PDLIM1: variants seen among roughly 807,000 people sequenced by gnomAD.
PDLIM1 encodes the protein PDZ and LIM domain 1.
In PDLIM1, 25 loss-of-function variants were observed where a neutral mutation model predicts 35.2. The ratio of observed to expected loss-of-function variants is 0.71; its 90% CI spans 0.52 to 0.99. PDLIM1 has a LOEUF of 0.99. Ranked by LOEUF, PDLIM1 falls within the 50% of genes least tolerant of loss-of-function variation. The probability of loss-of-function intolerance (pLI) is 0.00; values close to 1 mark genes in which losing one functional copy is unlikely to be tolerated. For synonymous variants in PDLIM1, 152 were observed against 154.0 expected (o/e 0.99, Z 0.10); for missense variants, 363 against 415.3 (o/e 0.87, Z 1.09).
Position 95,268,779 on chromosome 10 carries a change from T to TG in PDLIM1, c.331dup (p.Gln111ProfsTer44). 5 of 1,604,322 alleles carry TG rather than the reference T, an allele frequency of 3.1e-6. No individual in the cohort carries two copies. Reference sequence around the variant, plus strand: ...CGGCAACGATGAGCAAGAACTTACCTGGGGTTCAGAGGCTAAATTCATCTT... The same window carrying TG: ...CGGCAACGATGAGCAAGAACTTACCTGGGGGTTCAGAGGCTAAATTCATCTT... On this transcript the variant is annotated frameshift_variant and splice_region_variant, in exon 3 of 7. Transcript: ENST00000329399. LOFTEE classifies it high-confidence loss of function.
chr10:95,264,855 A>G (rs2035398963), intron 3 of PDLIM1, among the ~76,000 whole-genome samples: 1 of 152,146 alleles, frequency 6.6e-6, no homozygotes, highest in Non-Finnish European at 1.5e-5. Context: ...GCTCCTTTAC[A>G]AACCCGCAAA....
At chr10:95,281,982 G>A (rs1390242339) in intron 1 of PDLIM1, among the ~76,000 whole-genome samples, 1 of 152,168 alleles carries the variant, frequency 6.6e-6, no homozygotes, top group Non-Finnish European at 1.5e-5. Context: ...GTGTTCTTGT[G>A]TTTTAAATAT....
chr10:95,262,328 A>T (rs930404096), intron 4 of PDLIM1, among the ~76,000 whole-genome samples: 3 of 152,196 alleles, frequency 2.0e-5, no homozygotes, highest in Admixed American at 6.5e-5. Context: ...TGAATGGCAA[A>T]GCGGGCTTCA....
Position 95,271,764 on chromosome 10 carries a change from C to T in PDLIM1, c.117G>A (p.Ala39=), listed in dbSNP as rs759916547. 8 of 1,611,424 alleles carry T rather than the reference C, an allele frequency of 5.0e-6. No individual in the cohort carries two copies. The highest frequency in any genetic ancestry group is 5.9e-6 in the Non-Finnish European group (7 of 1,179,232). Residue 39 remains alanine, a synonymous_variant, in exon 2 of 7, where the codon GCG becomes GCA. Transcript: ENST00000329399. ...AISRVTPGSK[A]ALANLCIGDV... is the part of the protein sequence containing the mutation. ...CTCCAATACATAAATTAGCTAGAGC[C>T]GCCTTGCTTCCAGGAGTGACCTAGA...
intron 3 of PDLIM1, among the ~76,000 whole-genome samples, chr10:95,267,212 T>C (rs367566621): frequency 6.6e-5 from 10 of 152,176 alleles, no homozygotes; most frequent in African/African-American, 2.4e-4. Context: ...TAACTACAGA[T>C]TTAAAATGAA....
chr10:95,285,077 C>G (rs528394309), intron 1 of PDLIM1, among the ~76,000 whole-genome samples: 4 of 152,182 alleles, frequency 2.6e-5, no homozygotes, highest in Non-Finnish European at 5.9e-5. Flanking sequence ...AGAACCATTC[C>G]CAAATGCCCT....
intron 1 of PDLIM1, among the ~76,000 whole-genome samples, chr10:95,272,798 G>A (rs190723982): frequency 4.6e-4 from 70 of 152,168 alleles, no homozygotes; most frequent in African/African-American, 1.5e-3. Flanking sequence ...CCCTATAGAC[G>A]GCTGGTTTTC....
At chr10:95,241,118 T>A (rs2035174405) in intron 5 of PDLIM1, among the ~76,000 whole-genome samples, 1 of 152,176 alleles carries the variant, frequency 6.6e-6, no homozygotes, top group Non-Finnish European at 1.5e-5. Context: ...TGCAGTCACG[T>A]CGGGCAATCG....
Position 95,250,822 on chromosome 10 carries a change from T to C in PDLIM1, c.534-3456A>G, listed in dbSNP as rs555827510. 3.9e-5 allele frequency among the ~76,000 whole-genome samples: 6 copies of C among 152,346 alleles called. No individual in the cohort carries two copies. The East Asian group carries it at 7.7e-4, about 20-fold the overall frequency. ...TACACAAAGTTTCCTAGTTCTTGTT[T>C]CTCCCTGGGAGCTGATGTGTATCTG... On this transcript the variant is annotated intron_variant, in intron 4 of 6. Transcript: ENST00000329399.
intron 4 of PDLIM1, among the ~76,000 whole-genome samples, chr10:95,249,436 T>G (rs2035250180): frequency 6.6e-6 from 1 of 152,222 alleles, no homozygotes; most frequent in African/African-American, 2.4e-5. Context: ...AAGTTGTGCT[T>G]CCTGAGTAAT....
chr10:95,279,946 G>C (rs751590231), intron 1 of PDLIM1, among the ~76,000 whole-genome samples: 1 of 152,086 alleles, frequency 6.6e-6, no homozygotes, highest in African/African-American at 2.4e-5. Context: ...TCAATTCTAG[G>C]CAACATAAAC....
intron 4 of PDLIM1, among the ~76,000 whole-genome samples, chr10:95,258,082 A>T (rs918385896): frequency 6.6e-6 from 1 of 152,186 alleles, no homozygotes; most frequent in East Asian, 1.9e-4. Flanking sequence ...AAAGAGAGAG[A>T]GAGCTGGTGA....
At chr10:95,280,780 T>C (rs1482633105) in intron 1 of PDLIM1, among the ~76,000 whole-genome samples, 1 of 152,244 alleles carries the variant, frequency 6.6e-6, no homozygotes, top group Non-Finnish European at 1.5e-5. Flanking sequence ...TGACTCTTTA[T>C]GGAACGTTGT....
At chr10:95,266,548 T>A (rs1428915591) in intron 3 of PDLIM1, among the ~76,000 whole-genome samples, 1 of 152,186 alleles carries the variant, frequency 6.6e-6, no homozygotes, top group African/African-American at 2.4e-5. Context: ...AAGCCCATTT[T>A]TCATCTTTAA....
rs1339932734 is a variant in PDLIM1, at chr10:95,247,208, T to C, written c.685+7A>G. ...AAGAGCCTCTGACTGCAGATGGAGC[T>C]GATTACCTTTTTCTTCAGACTCCAG... On this transcript the variant is annotated splice_region_variant and intron_variant, in intron 5 of 6. Coordinates refer to ENST00000329399, the MANE Select transcript of PDLIM1 (RefSeq NM_020992.4). The C allele has an allele frequency of 6.2e-7, 1 of 1,606,808 alleles. No homozygotes were observed. The highest frequency in any genetic ancestry group is 8.5e-7 in the Non-Finnish European group (1 of 1,175,130).
In PDLIM1 at chr10:95,290,929, CG is replaced by C; in HGVS notation, c.-15del. ...CTGGGTGGTCATGGCGCGGCTGTGG[CG>C]GGCGACGACCCGCGGGGACAGACGG... On this transcript the variant is annotated 5_prime_UTR_variant, in exon 1 of 7. Coordinates refer to ENST00000329399, the MANE Select transcript of PDLIM1 (RefSeq NM_020992.4). The surrounding 1 kb of genome is among the most constrained non-coding windows in gnomAD (Gnocchi z 4.7). The C allele has an allele frequency of 6.6e-7, 1 of 1,520,298 alleles. No homozygotes were observed. The highest frequency in any genetic ancestry group is 8.9e-7 in the Non-Finnish European group (1 of 1,125,432). 94.2% of individuals were successfully genotyped at this position (1,520,298 alleles called of 1,614,324 possible). A position where few individuals can be genotyped will look rare whatever the true frequency, so the allele number is the denominator to read the frequency against.
At chr10:95,270,910 C>T (rs2035459953) in intron 2 of PDLIM1, among the ~76,000 whole-genome samples, 3 of 151,250 alleles carry the variant, frequency 2.0e-5, no homozygotes, top group Admixed American at 2.0e-4. Flanking sequence ...GCTACCACAC[C>T]TGGCTAATTT....
In PDLIM1 at chr10:95,290,989, C is replaced by G. The variant is rs1232314152; in HGVS notation, c.-74G>C. 2 of 850,848 alleles carry G rather than the reference C, an allele frequency of 2.4e-6. No homozygotes were observed. The highest frequency in any genetic ancestry group is 2.2e-5 in the South Asian group (1 of 45,238). The allele number at this position is 850,848 out of a possible 1,614,324, so 52.7% of individuals were successfully genotyped here. On this transcript the variant is annotated 5_prime_UTR_variant, in exon 1 of 7. Coordinates refer to ENST00000329399, the MANE Select transcript of PDLIM1 (RefSeq NM_020992.4). The surrounding 1 kb of genome is among the most constrained non-coding windows in gnomAD (Gnocchi z 4.7). ...CGCGGAACAGCTTGCAGGGCACCCC[C>G]GGCGGCTGTCGGAGAAAGAGCGGCG... is the stretch of plus-strand genomic sequence containing the variant.
At chr10:95,268,641 G>T in intron 3 of PDLIM1, 137 bp downstream of exon 3, 1 of 674,372 alleles carries the variant, frequency 1.5e-6, no homozygotes. Context: ...CTGAACAAGA[G>T]CCAGATACCA....
Sources: gnomAD v4.1 joint callset for allele counts (sites outside exome capture counted in the v4.1 genomes callset) on GRCh38, gnomAD v4.1.1 for gene constraint, Gnocchi (gnomAD v3.1) non-coding constraint, MANE v1.5 for transcripts, NCBI Gene and HGNC (gene_info 2026-07-23, HGNC 2026-07-21) for gene names.